SIRPG: variants seen among roughly 807,000 people sequenced by gnomAD.
SIRPG encodes signal-regulatory protein gamma.
In SIRPG, 38 loss-of-function variants were observed where a neutral mutation model predicts 35.7. The ratio of observed to expected loss-of-function variants is 1.06; its 90% CI spans 0.82 to 1.40. SIRPG has a LOEUF of 1.40. SIRPG is among the 40% of genes most tolerant of loss of function. The probability of loss-of-function intolerance (pLI) is 0.00; values close to 1 mark genes in which losing one functional copy is unlikely to be tolerated. For synonymous variants in SIRPG, 215 were observed against 190.4 expected (o/e 1.13, Z -1.06); for missense variants, 519 against 483.0 (o/e 1.07, Z -0.70).
At chr20:1,630,406 T>C in intron 4 of SIRPG, 100 bp from the exon 5 acceptor site, 2 of 866,804 alleles carry the variant, frequency 2.3e-6, no homozygotes, top group Non-Finnish European at 3.6e-6. Flanking sequence ...GGCCCATCTA[T>C]GCCCCACCTT....
intron 1 of SIRPG, among the ~76,000 whole-genome samples, chr20:1,653,472 G>A (rs952506563): frequency 6.6e-6 from 1 of 152,170 alleles, no homozygotes; most frequent in African/African-American, 2.4e-5. Flanking sequence ...AGATGACAAG[G>A]ATAAGGATAA....
chr20:1,639,801 G>A (rs1032551381), intron 2 of SIRPG, among the ~76,000 whole-genome samples: 1 of 152,208 alleles, frequency 6.6e-6, no homozygotes, highest in African/African-American at 2.4e-5. Flanking sequence ...TTTTGTATAA[G>A]GTGTAAGGAA....
chr20:1,649,846 G>T (rs935127795), intron 1 of SIRPG, among the ~76,000 whole-genome samples: 1 of 150,254 alleles, frequency 6.7e-6, no homozygotes, highest in Non-Finnish European at 1.5e-5. Context: ...TTCTGCTCAG[G>T]TTGCCCTTAC....
In SIRPG at chr20:1,657,637, C is replaced by T. The variant is rs758849581; in HGVS notation, c.73+5G>A. ...GAAAGGGTTCTAGCCCAATGCAATG[C>T]TCACCTGTAAGTCCCAGCAGTAGAG... On this transcript the variant is annotated splice_donor_5th_base_variant and intron_variant, in intron 1 of 5. Coordinates refer to ENST00000303415, the MANE Select transcript of SIRPG (RefSeq NM_018556.4). 61 of 1,614,006 alleles carry T rather than the reference C, an allele frequency of 3.8e-5. No individual in the cohort carries two copies. The highest frequency in any genetic ancestry group is 4.7e-5 in the Non-Finnish European group (56 of 1,179,968).
chr20:1,657,827 T>A, upstream of SIRPG: 3 of 961,114 alleles, frequency 3.1e-6, no homozygotes, highest in Non-Finnish European at 4.7e-6. Flanking sequence ...AGGAAGTGGC[T>A]ATGATGGAAT....
At chr20:1,668,204 TTTCTTTCTTTCTTTCTTTCTTTCTTTC>T in the SIRPG span, among the ~76,000 whole-genome samples, 1 of 40,890 alleles carries the variant, frequency 2.4e-5, no homozygotes, top group Non-Finnish European at 5.2e-5. Flanking sequence ...TTTTCTTTTC[TTTCTTTCTTTCTTTCTTTCTTTCTTTC>T]TTTCTTTCTT....
At chr20:1,630,198 C>G (rs1213828082) in intron 5 of SIRPG, 24 bp downstream of exon 5, 1 of 1,527,808 alleles carries the variant, frequency 6.5e-7, no homozygotes, top group Non-Finnish European at 8.9e-7. Flanking sequence ...AGCCCTTGGT[C>G]TGTCCTCCCT....
chr20:1,644,281 C>T (rs1210475873), intron 2 of SIRPG, among the ~76,000 whole-genome samples: 1 of 152,002 alleles, frequency 6.6e-6, no homozygotes, highest in African/African-American at 2.4e-5. Context: ...TGTTGGAGTT[C>T]CTGGAGGGAT....
At chr20:1,683,499 C>T in the SIRPG span, among the ~76,000 whole-genome samples, 1 of 152,160 alleles carries the variant, frequency 6.6e-6, no homozygotes, top group Non-Finnish European at 1.5e-5. Context: ...ACCTAAGTGT[C>T]TATCAACAGA....
At chr20:1,650,700 A>G (rs8123886) in intron 1 of SIRPG, among the ~76,000 whole-genome samples, 5,921 of 152,304 alleles carry the variant, frequency 0.039, 140 homozygotes, top group Middle Eastern at 0.058. Context: ...GGAAGAAATC[A>G]TGGTCAAAAC....
chr20:1,649,999 A>AGT lies in SIRPG; in HGVS notation c.74-593_74-592dup, dbSNP rs146744745. ...ATAGAACTCCTGAACTCTACTTTGA[A>AGT]GTGTGTATATATATATATATATATA... On this transcript the variant is annotated intron_variant, in intron 1 of 5. Coordinates refer to ENST00000303415, the MANE Select transcript of SIRPG (RefSeq NM_018556.4). 1.2e-4 allele frequency among the ~76,000 whole-genome samples: 14 copies of AGT among 119,052 alleles called. 1 individual carries two copies. Among genetic ancestry groups the AGT allele is most frequent in the Admixed American group, 3.6e-4 (4 of 11,126 alleles). The allele number at this position is 119,052 out of a possible 152,430, so 78.1% of individuals were successfully genotyped here. A position where few individuals can be genotyped will look rare whatever the true frequency, so the allele number is the denominator to read the frequency against.
intron 1 of SIRPG, among the ~76,000 whole-genome samples, chr20:1,655,787 T>C (rs912893470): frequency 6.6e-6 from 1 of 152,150 alleles, no homozygotes; most frequent in African/African-American, 2.4e-5. Context: ...TAAGTATACA[T>C]ACTTTTGTCA....
chr20:1,656,034 A>C (rs1338584849), intron 1 of SIRPG, among the ~76,000 whole-genome samples: 2 of 152,240 alleles, frequency 1.3e-5, no homozygotes, highest in East Asian at 3.8e-4. Context: ...TGACAAATTT[A>C]AAAATCTCAG....
intron 2 of SIRPG, among the ~76,000 whole-genome samples, chr20:1,643,201 T>TCAA (rs2091868604): frequency 6.6e-6 from 1 of 152,224 alleles, no homozygotes; most frequent in African/African-American, 2.4e-5. Context: ...CTCTTTCAGG[T>TCAA]ACTCCAATCA....
At chr20:1,634,035 A>G (rs2091771196) in intron 4 of SIRPG, among the ~76,000 whole-genome samples, 1 of 152,220 alleles carries the variant, frequency 6.6e-6, no homozygotes, top group Non-Finnish European at 1.5e-5. Flanking sequence ...CCCCTTCTTT[A>G]AAACTCCAGA....
chr20:1,644,184 T>C (rs1056888970), intron 2 of SIRPG, among the ~76,000 whole-genome samples: 1 of 152,202 alleles, frequency 6.6e-6, no homozygotes, highest in Non-Finnish European at 1.5e-5. Context: ...AAACTAAGTC[T>C]GCCAGACTAA....
At chr20:1,634,833 G>T (rs2091780476) in intron 4 of SIRPG, among the ~76,000 whole-genome samples, 1 of 151,786 alleles carries the variant, frequency 6.6e-6, no homozygotes, top group Admixed American at 6.6e-5. Flanking sequence ...CACGAGGTCA[G>T]GAGATCGAGA....
chr20:1,648,936 A>G (rs2091917160), intron 2 of SIRPG, 116 bp downstream of exon 2: 2 of 954,392 alleles, frequency 2.1e-6, no homozygotes, highest in African/African-American at 1.6e-5. Context: ...GGGTGACAAC[A>G]GGTCTTGAAA....
chr20:1,643,403 C>T (rs563168513), intron 2 of SIRPG, among the ~76,000 whole-genome samples: 16 of 152,226 alleles, frequency 1.1e-4, no homozygotes, highest in South Asian at 2.1e-4. Flanking sequence ...TCTTGTGCTA[C>T]GTTTTTTAGC....
Sources: allele counts gnomAD v4.1 joint callset (sites outside exome capture counted in the v4.1 genomes callset), GRCh38; gene constraint gnomAD v4.1.1; transcripts MANE v1.5; gene names NCBI Gene and HGNC (gene_info 2026-07-23, HGNC 2026-07-21).